The following SH3BP4 variants were observed in gnomAD, a reference collection of about 807,000 sequenced individuals.
The protein encoded by SH3BP4 is SH3 domain binding protein 4.
SH3BP4 carries 33 observed loss-of-function variants against 65.5 expected under a neutral mutation model. That is an observed-to-expected ratio of 0.50 (90% confidence interval 0.38 to 0.67). The LOEUF (loss-of-function observed/expected upper bound fraction) is 0.67. Ranked by LOEUF, SH3BP4 falls within the 30% of genes least tolerant of loss-of-function variation. The pLI, the probability that SH3BP4 is intolerant of heterozygous loss-of-function variation, is 0.00. For missense variants in SH3BP4, 1,134 were observed against 1,261.4 expected (o/e 0.90, Z 1.53); for synonymous variants, 552 against 545.5 (o/e 1.01, Z -0.17).
Position 235,034,010 on chromosome 2 carries a change from T to C in SH3BP4, c.-132-861T>C, listed in dbSNP as rs111908117. On this transcript the variant is annotated intron_variant, in intron 2 of 5. Coordinates refer to ENST00000392011, the MANE Select transcript of SH3BP4 (RefSeq NM_014521.3). The surrounding 1 kb of genome is among the most constrained non-coding windows in gnomAD (Gnocchi z 6.2). ...CTGTGAAAGTGTCTGCCAGTTTCTC[T>C]TGGAGAGCACATGAAATTCACTGCT... 0.014 allele frequency among the ~76,000 whole-genome samples: 2,070 copies of C among 152,238 alleles called. 52 individuals are homozygous for C. The highest frequency in any genetic ancestry group is 0.048 in the African/African-American group (1,993 of 41,522).
At chr2:234,984,397 C>T (rs1257011430) in intron 1 of SH3BP4, among the ~76,000 whole-genome samples, 3 of 151,490 alleles carry the variant, frequency 2.0e-5, no homozygotes, top group African/African-American at 4.9e-5. Flanking sequence ...TTTGTAGAGA[C>T]GAAGTCTTGC....
Position 235,052,798 on chromosome 2 carries a change from G to T in SH3BP4, c.2667+48G>T. 1.3e-6 allele frequency: 2 copies of T among 1,499,218 alleles called. No homozygotes were observed. Among genetic ancestry groups the T allele is most frequent in the Middle Eastern group, 2.3e-4 (1 of 4,312 alleles). The allele number at this position is 1,499,218 out of a possible 1,614,324, so 92.9% of individuals were successfully genotyped here. A position where few individuals can be genotyped will look rare whatever the true frequency, so the allele number is the denominator to read the frequency against. On this transcript the variant is annotated intron_variant, in intron 5 of 5. Transcript: ENST00000392011. This position sits in a 1 kb window ranked among gnomAD's most constrained non-coding sequence, Gnocchi z 5.0. Reference sequence around the variant, plus strand: ...GCTCACCGAGCCCCTCTGTCCCTGGGTTCCGTGGACCCATGCAGTGCAGCC... The same window carrying T: ...GCTCACCGAGCCCCTCTGTCCCTGGTTTCCGTGGACCCATGCAGTGCAGCC...
At chr2:235,047,562 C>G (rs73126150) in intron 4 of SH3BP4, among the ~76,000 whole-genome samples, 7,300 of 152,260 alleles carry the variant, frequency 0.048, 462 homozygotes, top group African/African-American at 0.14. Flanking sequence ...AGACTATTCC[C>G]AATTCTCGGG....
chr2:235,019,679 GC>G (rs1211072947), intron 2 of SH3BP4, among the ~76,000 whole-genome samples: 1 of 151,574 alleles, frequency 6.6e-6, no homozygotes, highest in Non-Finnish European at 1.5e-5. Context: ...CAGGTGATCT[GC>G]CCGCCTCAGC....
At chr2:235,040,580 T>A (rs1487592695) in intron 3 of SH3BP4, among the ~76,000 whole-genome samples, 1 of 151,472 alleles carries the variant, frequency 6.6e-6, no homozygotes, top group Non-Finnish European at 1.5e-5. Context: ...CAAAATGAGA[T>A]GTTTAGGGCG....
At chr2:235,027,606 G>C (rs535232952) in intron 2 of SH3BP4, among the ~76,000 whole-genome samples, 5 of 152,342 alleles carry the variant, frequency 3.3e-5, no homozygotes, top group Admixed American at 1.3e-4. Flanking sequence ...GAAATCTGAT[G>C]AAATCAACAT....
At chr2:235,037,161 G>A (rs1273048286) in intron 3 of SH3BP4, among the ~76,000 whole-genome samples, 1 of 152,270 alleles carries the variant, frequency 6.6e-6, no homozygotes, top group East Asian at 1.9e-4. Flanking sequence ...AACACCCAGG[G>A]AGATTTTTGT....
rs892360274 is a variant in SH3BP4, at chr2:235,036,736, T to TAAAAAAAAA, written c.118+1622_118+1623insAAAAAAAAA. Among the ~76,000 whole-genome samples, 19 of 39,164 alleles carry TAAAAAAAAA rather than the reference T, an allele frequency of 4.9e-4. No individual in the cohort carries two copies. The East Asian group carries it at 0.063, about 131-fold the overall frequency. The allele number at this position is 39,164 out of a possible 152,430, so 25.7% of individuals were successfully genotyped here. A position where few individuals can be genotyped will look rare whatever the true frequency, so the allele number is the denominator to read the frequency against. ...CACCACTGCACTCTGAGACTCTATA[T>TAAAAAAAAA]AAAAAATAATAATAATAATAATGAC... On this transcript the variant is annotated intron_variant, in intron 3 of 5. Transcript: ENST00000392011.
intron 4 of SH3BP4, among the ~76,000 whole-genome samples, chr2:235,047,427 G>A (rs1195957700): frequency 3.3e-5 from 5 of 152,230 alleles, no homozygotes; most frequent in African/African-American, 4.8e-5. Context: ...GAAACACTGC[G>A]TGGTCGGTGG....
chr2:234,965,406 G>C (rs1459653368), intron 1 of SH3BP4, among the ~76,000 whole-genome samples: 6 of 152,210 alleles, frequency 3.9e-5, no homozygotes, highest in Admixed American at 3.9e-4. Context: ...GCACCCCCGT[G>C]AGCTGCTGAG....
intron 3 of SH3BP4, among the ~76,000 whole-genome samples, chr2:235,038,386 T>TAATATATA (rs1358463225): frequency 1.5e-4 from 2 of 13,282 alleles, no homozygotes; most frequent in Admixed American, 1.6e-3. Context: ...CATATATATA[T>TAATATATA]ATATATATAT....
intron 1 of SH3BP4, among the ~76,000 whole-genome samples, chr2:234,960,030 T>A (rs1692670840): frequency 6.6e-6 from 1 of 152,374 alleles, no homozygotes; most frequent in Non-Finnish European, 1.5e-5. Flanking sequence ...TAAGCATTTT[T>A]AAATCCTGCT....
chr2:235,050,606 T>G (rs1368114415), intron 4 of SH3BP4, among the ~76,000 whole-genome samples: 1 of 151,758 alleles, frequency 6.6e-6, no homozygotes, highest in Non-Finnish European at 1.5e-5. Flanking sequence ...AGAAGGATCG[T>G]GAGTCACCTA....
intron 1 of SH3BP4, among the ~76,000 whole-genome samples, chr2:234,969,523 G>T (rs1039867829): frequency 1.2e-4 from 19 of 152,196 alleles, no homozygotes; most frequent in African/African-American, 4.3e-4. Context: ...TGCCTTCAGC[G>T]CCAGTTGTCG....
intron 2 of SH3BP4, among the ~76,000 whole-genome samples, chr2:235,018,792 G>A (rs1453375348): frequency 3.3e-5 from 5 of 152,150 alleles, no homozygotes; most frequent in Admixed American, 2.6e-4. Context: ...ATCTGGGAAC[G>A]GAGTTTGTTC....
chr2:235,023,296 C>T (rs58013970), intron 2 of SH3BP4, among the ~76,000 whole-genome samples: 30,298 of 152,110 alleles, frequency 0.2, 3,401 homozygotes, highest in East Asian at 0.45. Context: ...CCTATACTCT[C>T]AGCACTTTGA....
chr2:234,989,503 G>A (rs1005259666), intron 1 of SH3BP4, among the ~76,000 whole-genome samples: 3 of 152,260 alleles, frequency 2.0e-5, no homozygotes, highest in East Asian at 1.9e-4. Context: ...CCTACATCCC[G>A]CCTGGCCCTT....
chr2:235,052,599 G>T lies in SH3BP4; in HGVS notation c.2516G>T (p.Arg839Ile). The T allele has an allele frequency of 6.4e-7, 1 of 1,555,368 alleles. No homozygotes were observed. The highest frequency in any genetic ancestry group is 8.7e-7 in the Non-Finnish European group (1 of 1,149,458). ...ATGGACTGCCAGGGCCTGGTGGTCA[G>T]ACTCATCCAGGACTTTGTGCTCCTG... ...LKMDCQGLVVRLIQDFVLLTT... is the reference protein window; with the variant it reads ...LKMDCQGLVVILIQDFVLLTT... Residue 839 changes from arginine to isoleucine, a missense_variant, in exon 5 of 6, where the codon AGA becomes ATA. By Grantham distance (97) the Arg-to-Ile change is moderately conservative. Coordinates refer to ENST00000392011, the MANE Select transcript of SH3BP4 (RefSeq NM_014521.3). This position sits in a 1 kb window ranked among gnomAD's most constrained non-coding sequence, Gnocchi z 5.0.
intron 2 of SH3BP4, among the ~76,000 whole-genome samples, chr2:235,002,148 C>T (rs1194804250): frequency 6.6e-6 from 1 of 152,192 alleles, no homozygotes; most frequent in Non-Finnish European, 1.5e-5. Context: ...AGGTGTGAGC[C>T]ACCATGCTGG....
Sources: allele counts gnomAD v4.1 joint callset (sites outside exome capture counted in the v4.1 genomes callset), GRCh38; gene constraint gnomAD v4.1.1; non-coding constraint Gnocchi (gnomAD v3.1); transcripts MANE v1.5; gene names NCBI Gene and HGNC (gene_info 2026-07-23, HGNC 2026-07-21).